Variants in CNBD1 observed in about 807,000 individuals in gnomAD.
CNBD1 encodes cyclic nucleotide-binding domain-containing protein 1.
In CNBD1, 71 loss-of-function variants were observed where a neutral mutation model predicts 54.4. The observed-to-expected ratio is 1.30, with a 90% CI of 1.08 to 1.59. CNBD1 has a LOEUF of 1.59. Ranked by LOEUF, CNBD1 falls within the 40% of genes most tolerant of loss-of-function variation. CNBD1 has a pLI of 0.00. For synonymous variants in CNBD1, 182 were observed against 170.7 expected, an observed-to-expected ratio of 1.07 and a Z score of -0.51; for missense variants, 659 against 518.0, an observed-to-expected ratio of 1.27 and a Z score of -2.64.
chr8:87,137,890 A>G (rs1330101987), intron 4 of CNBD1, among the ~76,000 whole-genome samples: 1 of 152,190 alleles, frequency 6.6e-6, no homozygotes, highest in East Asian at 1.9e-4. Flanking sequence ...AGGTAGTGGA[A>G]TGAAGAACTT....
intron 8 of CNBD1, among the ~76,000 whole-genome samples, chr8:87,308,100 A>T (rs1809194743): frequency 6.6e-6 from 1 of 152,114 alleles, no homozygotes; most frequent in Non-Finnish European, 1.5e-5. Flanking sequence ...TAGCCCTGTG[A>T]AAAAGTCCCT....
intron 1 of CNBD1, among the ~76,000 whole-genome samples, chr8:86,875,212 C>G (rs1361860177): frequency 6.6e-6 from 1 of 151,956 alleles, no homozygotes; most frequent in Non-Finnish European, 1.5e-5. Flanking sequence ...TCACTGCCAT[C>G]CATTCTGACA....
intron 4 of CNBD1, among the ~76,000 whole-genome samples, chr8:87,095,720 C>T (rs753508244): frequency 7.2e-5 from 11 of 152,164 alleles, no homozygotes; most frequent in African/African-American, 1.4e-4. Context: ...AGCCGTGGCA[C>T]GATCTCGGCT....
intron 4 of CNBD1, among the ~76,000 whole-genome samples, chr8:87,150,175 AAAAAACAAAAAC>A (rs907884437): frequency 7.6e-6 from 1 of 132,116 alleles, no homozygotes; most frequent in African/African-American, 4.1e-5. Flanking sequence ...AGACTCTGTC[AAAAAACAAAAAC>A]AAAAACAAAA....
At chr8:86,946,708 T>C (rs1807477134) in intron 4 of CNBD1, among the ~76,000 whole-genome samples, 1 of 109,528 alleles carries the variant, frequency 9.1e-6, no homozygotes, top group African/African-American at 2.9e-5. Context: ...GTATTACAGA[T>C]TTAATAACAA....
chr8:87,413,717 G>A (rs375245446), intron 2 of CNBD1, among the ~76,000 whole-genome samples: 1 of 150,164 alleles, frequency 6.7e-6, no homozygotes, highest in African/African-American at 2.5e-5. Context: ...TGAAGGATAT[G>A]AACAGACACT....
At chr8:86,941,951 C>T (rs1419060775) in intron 4 of CNBD1, among the ~76,000 whole-genome samples, 2 of 152,146 alleles carry the variant, frequency 1.3e-5, no homozygotes, top group Admixed American at 6.5e-5. Context: ...CTATACGTCC[C>T]CCCTTTCAGT....
intron 3 of CNBD1, among the ~76,000 whole-genome samples, chr8:86,931,760 C>T (rs538116563): frequency 6.6e-6 from 1 of 152,076 alleles, no homozygotes; most frequent in South Asian, 2.1e-4. Context: ...GTGGCTGATT[C>T]GGTAATAAGC....
chr8:87,057,055 T>C (rs1563452274), intron 4 of CNBD1, among the ~76,000 whole-genome samples: 1 of 152,176 alleles, frequency 6.6e-6, no homozygotes, highest in East Asian at 1.9e-4. Flanking sequence ...TTCATAAGAC[T>C]TAATCTTACC....
chr8:87,102,078 G>A (rs1479708002), intron 4 of CNBD1, among the ~76,000 whole-genome samples: 1 of 151,966 alleles, frequency 6.6e-6, no homozygotes, highest in Non-Finnish European at 1.5e-5. Context: ...TAGTAGAGAT[G>A]GGGTTTCACT....
At chr8:87,098,230 A>C (rs1466789749) in intron 4 of CNBD1, among the ~76,000 whole-genome samples, 1 of 152,184 alleles carries the variant, frequency 6.6e-6, no homozygotes, top group Non-Finnish European at 1.5e-5. Flanking sequence ...GTCTGAGTTT[A>C]CTCACTTTTA....
rs190292837 is a variant in CNBD1, at chr8:87,070,388, A to T, written c.431+130634A>T. Among the ~76,000 whole-genome samples, 169 of 152,248 alleles carry T rather than the reference A, an allele frequency of 1.1e-3. 1 individual carries two copies. The highest frequency in any genetic ancestry group is 6.8e-3 in the Middle Eastern group (2 of 294). On this transcript the variant is annotated intron_variant, in intron 4 of 10. Coordinates refer to ENST00000518476, the MANE Select transcript of CNBD1 (RefSeq NM_173538.3). ...AGGAAAAGGTGGAAGTAAGAGAAAT[A>T]AACATAAAATACACGGATTGTTAAT...
At chr8:86,992,847 G>T (rs1383952755) in intron 4 of CNBD1, among the ~76,000 whole-genome samples, 2 of 152,128 alleles carry the variant, frequency 1.3e-5, no homozygotes, top group Non-Finnish European at 2.9e-5. Context: ...CCCTTCGTAT[G>T]TGCCTTGACC....
At chr8:86,866,870 G>T (rs2131758357) in intron 1 of CNBD1, among the ~76,000 whole-genome samples, 1 of 152,252 alleles carries the variant, frequency 6.6e-6, no homozygotes, top group Admixed American at 6.5e-5. Flanking sequence ...AGAAAACAAA[G>T]ATTTAGAGAG....
At position 86,935,078 on chromosome 8, in the gene CNBD1, C is replaced by G. The variant is rs189143410; in HGVS notation, c.273-4518C>G. On this transcript the variant is annotated intron_variant, in intron 3 of 10. Coordinates refer to ENST00000518476, the MANE Select transcript of CNBD1 (RefSeq NM_173538.3). ...TGAGACAGAGTCTTGCTTTGTTGCCCAGGCTGGAGTGCAATGGCGTGATCT... is the reference window on the plus strand; with the variant it reads ...TGAGACAGAGTCTTGCTTTGTTGCCGAGGCTGGAGTGCAATGGCGTGATCT... Among the ~76,000 whole-genome samples, 9 of 151,836 alleles carry G rather than the reference C, an allele frequency of 5.9e-5. No homozygotes were observed. In the East Asian group the frequency reaches 1.7e-3, roughly 29 times the overall value.
chr8:87,264,311 C>G (rs1783182190), intron 6 of CNBD1, among the ~76,000 whole-genome samples: 1 of 152,090 alleles, frequency 6.6e-6, no homozygotes, highest in Admixed American at 6.6e-5. Context: ...ATCCATGTCC[C>G]TACAAAGGAC....
At chr8:86,874,206 G>T (rs937941326) in intron 1 of CNBD1, among the ~76,000 whole-genome samples, 22 of 152,136 alleles carry the variant, frequency 1.4e-4, no homozygotes, top group Non-Finnish European at 3.1e-4. Context: ...GGATCTTGCT[G>T]TCTTGTCTCT....
chr8:87,208,905 A>G (rs1364163716), intron 5 of CNBD1, among the ~76,000 whole-genome samples: 1 of 151,966 alleles, frequency 6.6e-6, no homozygotes, highest in Admixed American at 6.6e-5. Flanking sequence ...ATATTTTTAT[A>G]TTACTAAGGT....
At chr8:87,048,006 A>G (rs1017417413) in intron 4 of CNBD1, among the ~76,000 whole-genome samples, 3 of 152,084 alleles carry the variant, frequency 2.0e-5, no homozygotes, top group African/African-American at 7.2e-5. Context: ...CTCTTCTGGG[A>G]TGTCAGGGGC....
Sources: allele counts gnomAD v4.1 joint callset (sites outside exome capture counted in the v4.1 genomes callset), GRCh38; gene constraint gnomAD v4.1.1; transcripts MANE v1.5; gene names NCBI Gene and HGNC (gene_info 2026-07-23, HGNC 2026-07-21).